Variants in SNX31 observed in about 807,000 individuals in gnomAD.
SNX31 encodes the protein sorting nexin-31.
SNX31 carries 58 observed loss-of-function variants against 65.4 expected under a neutral mutation model. The observed-to-expected ratio is 0.89, with a 90% CI of 0.72 to 1.10. SNX31 has a LOEUF of 1.10. Among genes scored for constraint, SNX31 ranks in the 50% least tolerant of loss-of-function variants. SNX31 has a pLI of 0.00. For synonymous variants in SNX31, 181 were observed against 190.1 expected, an observed-to-expected ratio of 0.95 and a Z score of 0.39; for missense variants, 523 against 529.7, an observed-to-expected ratio of 0.99 and a Z score of 0.12.
In SNX31 at chr8:100,576,277, T is replaced by C. The variant is rs1377811476; in HGVS notation, c.1227+742A>G. Among the ~76,000 whole-genome samples the C allele has an allele frequency of 2.6e-5, 4 of 152,210 alleles. No individual in the cohort carries two copies. Among genetic ancestry groups the C allele is most frequent in the African/African-American group, 9.6e-5 (4 of 41,456 alleles). On this transcript the variant is annotated intron_variant, in intron 13 of 13. Transcript: ENST00000311812. This position sits in a 1 kb window ranked among gnomAD's most constrained non-coding sequence, Gnocchi z 4.8. ...ACATACACACCAGTTCTGTGACAGG[T>C]GCTGGATCAAGAAGAAATCCCATTC... is the stretch of plus-strand genomic sequence containing the variant.
chr8:100,579,333 G>A (rs1813305578), intron 12 of SNX31, among the ~76,000 whole-genome samples: 1 of 152,096 alleles, frequency 6.6e-6, no homozygotes, highest in Non-Finnish European at 1.5e-5. Context: ...TGTACTAGGG[G>A]GAATAAAGCT....
chr8:100,611,652 C>T (rs982581755), intron 7 of SNX31, among the ~76,000 whole-genome samples: 5 of 152,150 alleles, frequency 3.3e-5, no homozygotes, highest in African/African-American at 1.2e-4. Context: ...ATCTTCTGGG[C>T]TTAAGTGTGT....
intron 11 of SNX31, among the ~76,000 whole-genome samples, chr8:100,584,577 C>T (rs374910788): frequency 1.6e-4 from 25 of 151,886 alleles, no homozygotes; most frequent in African/African-American, 5.1e-4. Flanking sequence ...ATGGTCAATC[C>T]TATATTTAAT....
rs1168302108 is a variant in SNX31, at chr8:100,595,314, G to GTT, written c.978+1323_978+1324dup. Among the ~76,000 whole-genome samples, 368 of 125,546 alleles carry GTT rather than the reference G, an allele frequency of 2.9e-3. 1 individual carries two copies. The highest frequency in any genetic ancestry group is 8.3e-3 in the South Asian group (36 of 4,318). The allele number at this position is 125,546 out of a possible 152,430, so 82.4% of individuals were successfully genotyped here. A position where few individuals can be genotyped will look rare whatever the true frequency, so the allele number is the denominator to read the frequency against. On this transcript the variant is annotated intron_variant, in intron 10 of 13. Coordinates refer to ENST00000311812, the MANE Select transcript of SNX31 (RefSeq NM_152628.4). ...AGTGCGGAGATAGAGGGAATTTGTT[G>GTT]TTTTTTTTTTTTTTTCAGATGGGTC...
chr8:100,628,240 G>A lies in SNX31; in HGVS notation c.321+2087C>T, dbSNP rs543452299. On this transcript the variant is annotated intron_variant, in intron 4 of 13. Transcript: ENST00000311812. ...TTTGACCCAGCCATCCCATTACTGG[G>A]TATATACCCAAAGGATTATAAATCA... Among the ~76,000 whole-genome samples the A allele has an allele frequency of 3.9e-5, 6 of 152,220 alleles. No individual in the cohort carries two copies. In the South Asian group the frequency reaches 1.2e-3, roughly 32 times the overall value.
chr8:100,620,706 C>G (rs934736811), intron 4 of SNX31, among the ~76,000 whole-genome samples: 1 of 152,200 alleles, frequency 6.6e-6, no homozygotes, highest in Non-Finnish European at 1.5e-5. Context: ...CATTGTTTCA[C>G]ATATAGCAGC....
chr8:100,628,472 C>A (rs568123578), intron 4 of SNX31, among the ~76,000 whole-genome samples: 1 of 151,990 alleles, frequency 6.6e-6, no homozygotes, highest in South Asian at 2.1e-4. Context: ...CCATCATTCT[C>A]AGCAAACTAT....
rs1319423296 is a variant in SNX31 at position 100,578,271 on chromosome 8, T to C, written c.1171-1196A>G. On this transcript the variant is annotated intron_variant, in intron 12 of 13. Transcript: ENST00000311812. The surrounding 1 kb of genome is among the most constrained non-coding windows in gnomAD (Gnocchi z 4.7). ...GAAAGAGTTCTTAGACTCTTCTTAA[T>C]GGGAAAGAAAAGAACTGCTATGTGC... Among the ~76,000 whole-genome samples the C allele has an allele frequency of 6.6e-6, 1 of 152,194 alleles. No homozygotes were observed. Among genetic ancestry groups the C allele is most frequent in the African/African-American group, 2.4e-5 (1 of 41,456 alleles).
intron 2 of SNX31, among the ~76,000 whole-genome samples, chr8:100,645,163 C>T (rs1388667920): frequency 6.6e-6 from 1 of 152,198 alleles, no homozygotes; most frequent in Admixed American, 6.5e-5. Context: ...ATAACAGAAA[C>T]TTAGTAAACA....
chr8:100,605,790 G>C (rs528021568), intron 8 of SNX31, among the ~76,000 whole-genome samples: 1 of 152,240 alleles, frequency 6.6e-6, no homozygotes, highest in South Asian at 2.1e-4. Context: ...GATTTAAAAA[G>C]TCACATTATG....
chr8:100,654,953 C>T (rs1313961895), intron 1 of SNX31, among the ~76,000 whole-genome samples: 1 of 152,156 alleles, frequency 6.6e-6, no homozygotes, highest in Non-Finnish European at 1.5e-5. Flanking sequence ...GCAGAGGTTG[C>T]AGTAAACTGA....
rs1288279982 is a variant in SNX31 at position 100,613,066 on chromosome 8, C to T, written c.452G>A (p.Gly151Glu). 6.2e-7 allele frequency: 1 copy of T among 1,613,976 alleles called. No individual in the cohort carries two copies. The highest frequency in any genetic ancestry group is 8.5e-7 in the Non-Finnish European group (1 of 1,179,954). ...GTAGCCCAAGAGCTCTCGACACAGTCCAATTTTGTGTGACACCACCTTTAA... is the reference window on the plus strand; with the variant it reads ...GTAGCCCAAGAGCTCTCGACACAGTTCAATTTTGTGTGACACCACCTTTAA... ...RVLEVVSHKI[G>E]LCRELLGYFG... The change falls in exon 6 of 14, where the codon GGA becomes GAA. Residue 151 changes from glycine to glutamate, a missense_variant. Gly to Glu is a moderately conservative substitution (Grantham distance 98). Transcript: ENST00000311812. The surrounding 1 kb of genome is among the most constrained non-coding windows in gnomAD (Gnocchi z 5.2).
At chr8:100,602,802 A>T (rs1207840922) in intron 8 of SNX31, among the ~76,000 whole-genome samples, 1 of 152,242 alleles carries the variant, frequency 6.6e-6, no homozygotes, top group East Asian at 1.9e-4. Context: ...ATTTCATCAT[A>T]CTACTTAGAA....
At chr8:100,579,344 G>T (rs1037478936) in intron 12 of SNX31, among the ~76,000 whole-genome samples, 1 of 152,154 alleles carries the variant, frequency 6.6e-6, no homozygotes, top group African/African-American at 2.4e-5. Context: ...GAATAAAGCT[G>T]GGGAAACAAG....
chr8:100,619,565 G>C (rs1385472228), intron 4 of SNX31, among the ~76,000 whole-genome samples: 1 of 152,262 alleles, frequency 6.6e-6, no homozygotes, highest in Non-Finnish European at 1.5e-5. Context: ...GCTATAGGGA[G>C]AGGGAGGACA....
At chr8:100,583,234 G>A (rs1215445287) in intron 12 of SNX31, among the ~76,000 whole-genome samples, 3 of 151,418 alleles carry the variant, frequency 2.0e-5, no homozygotes, top group Non-Finnish European at 2.9e-5. Flanking sequence ...AGCCTCCCCA[G>A]TAGCTGGGAC....
intron 12 of SNX31, among the ~76,000 whole-genome samples, chr8:100,577,822 A>T (rs572959186): frequency 2.4e-4 from 36 of 152,164 alleles, no homozygotes; most frequent in Non-Finnish European, 5.0e-4. Flanking sequence ...TTCCAGCCCC[A>T]GAGACCCAGC....
chr8:100,581,565 C>T (rs937328016), intron 12 of SNX31, among the ~76,000 whole-genome samples: 1 of 152,038 alleles, frequency 6.6e-6, no homozygotes, highest in African/African-American at 2.4e-5. Context: ...ACTAGCACTA[C>T]TTAATCTGCT....
chr8:100,641,568 ATATATATATAT>A (rs1563580576), intron 2 of SNX31, among the ~76,000 whole-genome samples: 4,465 of 32,316 alleles, frequency 0.14, 416 homozygotes, highest in Non-Finnish European at 0.14. Flanking sequence ...AAAAAAAAAT[ATATATATATAT>A]ATATATATAT....
Sources: gnomAD v4.1 joint callset for allele counts (sites outside exome capture counted in the v4.1 genomes callset) on GRCh38, gnomAD v4.1.1 for gene constraint, Gnocchi (gnomAD v3.1) non-coding constraint, MANE v1.5 for transcripts, NCBI Gene and HGNC (gene_info 2026-07-23, HGNC 2026-07-21) for gene names.